Variants in TMEM132E observed in about 807,000 individuals in gnomAD.
TMEM132E encodes the protein transmembrane protein 132E.
In TMEM132E, 49 loss-of-function variants were observed where a neutral mutation model predicts 78.5. The observed-to-expected ratio is 0.62, with a 90% CI of 0.50 to 0.79. The LOEUF is 0.79. Ranked by LOEUF, TMEM132E falls within the 30% of genes least tolerant of loss-of-function variation. The probability of loss-of-function intolerance (pLI) is 0.00; values close to 1 mark genes in which losing one functional copy is unlikely to be tolerated. For missense variants in TMEM132E, 1,403 were observed against 1,470.9 expected, an observed-to-expected ratio of 0.95 and a Z score of 0.75; for synonymous variants, 715 against 670.6, an observed-to-expected ratio of 1.07 and a Z score of -1.02.
Position 34,637,765 on chromosome 17 carries a change from C to A in TMEM132E, c.2758C>A (p.Arg920Ser). The A allele has an allele frequency of 6.2e-7, 1 of 1,613,574 alleles. No individual in the cohort carries two copies. Among genetic ancestry groups the A allele is most frequent in the Non-Finnish European group, 8.5e-7 (1 of 1,179,988 alleles). ...TTTTGTGCTGCGCTACCGGCACAAG[C>A]GCATCCCGCCCGAGGGCCAGACCAG... ...IVFVLRYRHK[R>S]IPPEGQTSMD... is the part of the protein sequence containing the mutation. Residue 920 changes from arginine (R) to serine (S), a missense_variant, in exon 9 of 9, where the codon CGC becomes AGC. Arg to Ser is a moderately radical substitution (Grantham distance 110). Coordinates refer to ENST00000631683, the MANE Select transcript of TMEM132E (RefSeq NM_001304438.2).
chr17:34,580,667 C>T lies in TMEM132E; in HGVS notation c.-410C>T, dbSNP rs1905433467. The T allele has an allele frequency of 1.1e-5, 2 of 182,654 alleles. No individual in the cohort carries two copies. The highest frequency in any genetic ancestry group is 2.3e-5 in the African/African-American group (1 of 42,690). 11.3% of individuals were successfully genotyped at this position (182,654 alleles called of 1,614,324 possible). On this transcript the variant is annotated 5_prime_UTR_variant, in exon 1 of 9. Transcript: ENST00000631683. ...CCGAAACCGAGGAAACTGGGGATTG[C>T]GTTGGAAGTCGGCACCCTCGAGTGA... is the stretch of plus-strand genomic sequence containing the variant.
intron 1 of TMEM132E, among the ~76,000 whole-genome samples, chr17:34,581,354 TG>T (rs1442799127): frequency 9.5e-6 from 1 of 105,286 alleles, no homozygotes; most frequent in Non-Finnish European, 2.1e-5. Flanking sequence ...CAGAAAAGGG[TG>T]GGGGGAGGGT....
At chr17:34,622,023 C>G (rs1397521375) in intron 1 of TMEM132E, among the ~76,000 whole-genome samples, 2 of 152,220 alleles carry the variant, frequency 1.3e-5, no homozygotes, top group Non-Finnish European at 2.9e-5. Flanking sequence ...AAGGAACCTT[C>G]CAGTAGCTTT....
chr17:34,590,900 C>G (rs973543031), intron 1 of TMEM132E, among the ~76,000 whole-genome samples: 2 of 152,092 alleles, frequency 1.3e-5, no homozygotes, highest in African/African-American at 4.8e-5. Context: ...TTGGCAGCAT[C>G]TGATCTGGGA....
rs780627824 is a variant in TMEM132E at position 34,632,787 on chromosome 17, C to G, written c.1566C>G (p.Asp522Glu). Reference sequence around the variant, plus strand: ...ACGCCAGGGTCACCTTCCGCTACGACGTCCTCAATGCTCCCCTGGAAATGA... The same window carrying G: ...ACGCCAGGGTCACCTTCCGCTACGAGGTCCTCAATGCTCCCCTGGAAATGA... ...SMNARVTFRY[D>E]VLNAPLEMTV... is the part of the protein sequence containing the mutation. The change falls in exon 6 of 9, where the codon GAC (aspartate) becomes GAG (glutamate). Residue 522 changes from aspartate to glutamate, a missense_variant. This residue lies in a region of TMEM132E where 888 missense variants were observed against 952.8 expected (regional missense o/e 0.93). Transcript: ENST00000631683. 3 of 1,614,104 alleles carry G rather than the reference C, an allele frequency of 1.9e-6. No homozygotes were observed. The highest frequency in any genetic ancestry group is 1.3e-5 in the African/African-American group (1 of 74,930).
intron 1 of TMEM132E, among the ~76,000 whole-genome samples, chr17:34,593,255 A>AAT (rs57121020): frequency 6.6e-6 from 1 of 151,712 alleles, no homozygotes; most frequent in East Asian, 1.9e-4. Context: ...TTAAAAAAAA[A>AAT]TTATATTGAA....
intron 1 of TMEM132E, among the ~76,000 whole-genome samples, chr17:34,600,456 TG>T (rs1262553705): frequency 6.6e-6 from 1 of 151,756 alleles, no homozygotes; most frequent in African/African-American, 2.4e-5. Flanking sequence ...TGTGTGTGTG[TG>T]TGTGTGGCAG....
intron 1 of TMEM132E, among the ~76,000 whole-genome samples, chr17:34,611,218 G>C (rs993426844): frequency 6.6e-6 from 1 of 152,238 alleles, no homozygotes; most frequent in African/African-American, 2.4e-5. Flanking sequence ...CCCAGACCTG[G>C]GGGTGTGGGT....
At chr17:34,635,258 G>A (rs1907483118) in intron 7 of TMEM132E, among the ~76,000 whole-genome samples, 171 bp downstream of exon 7, 1 of 152,168 alleles carries the variant, frequency 6.6e-6, no homozygotes, top group Non-Finnish European at 1.5e-5. Flanking sequence ...CTTGGTAAAA[G>A]TTCTCACTCC....
intron 1 of TMEM132E, among the ~76,000 whole-genome samples, chr17:34,604,127 T>C (rs1567713873): frequency 6.6e-6 from 1 of 152,238 alleles, no homozygotes; most frequent in Non-Finnish European, 1.5e-5. Flanking sequence ...GTACTTGTAC[T>C]GTCTTCACTT....
At chr17:34,596,117 C>T (rs1906052209) in intron 1 of TMEM132E, among the ~76,000 whole-genome samples, 1 of 152,058 alleles carries the variant, frequency 6.6e-6, no homozygotes, top group Non-Finnish European at 1.5e-5. Flanking sequence ...GATTCCAGCC[C>T]AGTGAAGGCC....
chr17:34,637,511 G>A lies in TMEM132E; in HGVS notation c.2504G>A (p.Gly835Asp), dbSNP rs779019445. 1 of 1,605,204 alleles carries A rather than the reference G, an allele frequency of 6.2e-7. No individual in the cohort carries two copies. The highest frequency in any genetic ancestry group is 1.1e-5 in the South Asian group (1 of 90,720). ...CCCAGCCAACCAGGGCCCGGCGGGG[G>A]CGAGGACGAGGCCCGGGGAGCTGGC... ...PGPSQPGPGG[G>D]EDEARGAGPP... Residue 835 changes from glycine to aspartate, a missense_variant, in exon 9 of 9, where the codon GGC (glycine) becomes GAC (aspartate). Around this residue, in one of 3 missense-constraint regions of TMEM132E, gnomAD observed 888 missense variants for 952.8 expected, o/e 0.93. Transcript: ENST00000631683.
chr17:34,581,127 A>C lies in TMEM132E; in HGVS notation c.51A>C (p.Ser17=), dbSNP rs769358704. 6.6e-7 allele frequency: 1 copy of C among 1,525,332 alleles called. No individual in the cohort carries two copies. 94.5% of individuals were successfully genotyped at this position (1,525,332 alleles called of 1,614,324 possible). A position where few individuals can be genotyped will look rare whatever the true frequency, so the allele number is the denominator to read the frequency against. Residue 17 remains serine (S), a synonymous_variant, in exon 1 of 9, where the codon TCA becomes TCC. Coordinates refer to ENST00000631683, the MANE Select transcript of TMEM132E (RefSeq NM_001304438.2). The part of the protein sequence containing the change: ...GRGGAALLCL[S]ALLAHASGRS... ...GCGGCGCCGCCCTGCTCTGCCTCTC[A>C]GCGCTACTCGCCCACGGTAAGTGTC... is the stretch of plus-strand genomic sequence containing the variant.
intron 8 of TMEM132E, among the ~76,000 whole-genome samples, chr17:34,636,818 T>C (rs730814): frequency 0.69 from 104,656 of 152,034 alleles, 36,263 homozygotes; most frequent in East Asian, 0.86. Flanking sequence ...AGCCCAAGGT[T>C]AGGCATGGAG....
Position 34,637,585 on chromosome 17 carries a change from G to T in TMEM132E, c.2578G>T (p.Ala860Ser). 6.2e-7 allele frequency: 1 copy of T among 1,600,058 alleles called. No homozygotes were observed. Among genetic ancestry groups the T allele is most frequent in the Non-Finnish European group, 8.5e-7 (1 of 1,176,476 alleles). ...ACCGGAGGCTCCAGGCCCGGGCACC[G>T]CCAGCCCCGTCGTGCCACCCACAGA... The part of the protein sequence containing the change: ...PAPEAPGPGT[A>S]SPVVPPTEDF... Residue 860 changes from alanine (A) to serine (S), a missense_variant, in exon 9 of 9, where the codon GCC (alanine) becomes TCC (serine). This residue lies in a region of TMEM132E where 888 missense variants were observed against 952.8 expected (regional missense o/e 0.93). Transcript: ENST00000631683.
Position 34,628,549 on chromosome 17 carries a change from C to T in TMEM132E, c.999-14C>T, listed in dbSNP as rs1567720312. 6.2e-7 allele frequency: 1 copy of T among 1,613,346 alleles called. No homozygotes were observed. Among genetic ancestry groups the T allele is most frequent in the South Asian group, 1.1e-5 (1 of 90,874 alleles). On this transcript the variant is annotated splice_polypyrimidine_tract_variant and intron_variant, in intron 2 of 8. Coordinates refer to ENST00000631683, the MANE Select transcript of TMEM132E (RefSeq NM_001304438.2). ...CCTGACCCTCTCCCTCTTCTTCCTC[C>T]CACTTTGTCCCAGGGTGAAGGCCAA... is the stretch of plus-strand genomic sequence containing the variant.
chr17:34,591,099 G>T (rs543539188), intron 1 of TMEM132E, among the ~76,000 whole-genome samples: 1 of 152,270 alleles, frequency 6.6e-6, no homozygotes, highest in East Asian at 1.9e-4. Context: ...CAAATTGAAG[G>T]TGAGGAGCCC....
In TMEM132E at chr17:34,634,961, C is replaced by T. The variant is rs1354407747; in HGVS notation, c.1851C>T (p.Gly617=). 2 of 1,614,046 alleles carry T rather than the reference C, an allele frequency of 1.2e-6. No individual in the cohort carries two copies. The highest frequency in any genetic ancestry group is 4.5e-5 in the East Asian group (2 of 44,884). ...EGTDQVVTML[G]PDWLVEVTDL... is the part of the protein sequence containing the mutation. ...CTGACCAGGTGGTCACCATGTTAGG[C>T]CCGGACTGGCTGGTGGAGGTCACCG... Residue 617 remains glycine, a synonymous_variant, in exon 7 of 9, where the codon GGC becomes GGT. Coordinates refer to ENST00000631683, the MANE Select transcript of TMEM132E (RefSeq NM_001304438.2).
chr17:34,598,584 C>T (rs1001101414), intron 1 of TMEM132E, among the ~76,000 whole-genome samples: 4 of 152,188 alleles, frequency 2.6e-5, no homozygotes, highest in Non-Finnish European at 4.4e-5. Flanking sequence ...TGACAGAAGG[C>T]GGGATTGTTC....
Sources: allele counts gnomAD v4.1 joint callset (sites outside exome capture counted in the v4.1 genomes callset), GRCh38; gene constraint gnomAD v4.1.1; regional missense constraint gnomAD v4.1.1; transcripts MANE v1.5; gene names NCBI Gene and HGNC (gene_info 2026-07-23, HGNC 2026-07-21).